The following FAF1 variants were observed in gnomAD, a reference collection of about 807,000 sequenced individuals.
The protein encoded by FAF1 is FAS-associated factor 1.
A neutral mutation model predicts 92.5 loss-of-function variants in FAF1; 25 were observed. That is an observed-to-expected ratio of 0.27 (90% CI 0.20 to 0.38). The LOEUF (loss-of-function observed/expected upper bound fraction) is 0.38. Ranked by LOEUF, FAF1 falls within the 10% of genes least tolerant of loss-of-function variation. The pLI, the probability that FAF1 is intolerant of heterozygous loss-of-function variation, is 1.00. For missense variants in FAF1, 636 were observed against 793.3 expected, an observed-to-expected ratio of 0.80 and a Z score of 2.38; for synonymous variants, 234 against 273.2, an observed-to-expected ratio of 0.86 and a Z score of 1.42.
chr1:50,786,063 T>C (rs1661351850), intron 4 of FAF1, among the ~76,000 whole-genome samples: 1 of 151,996 alleles, frequency 6.6e-6, no homozygotes, highest in African/African-American at 2.4e-5. Flanking sequence ...AGCCCAGAGT[T>C]TGAGGCTACA....
intron 15 of FAF1, among the ~76,000 whole-genome samples, chr1:50,519,042 G>A (rs1359838614): frequency 6.6e-6 from 1 of 151,974 alleles, no homozygotes; most frequent in East Asian, 1.9e-4. Flanking sequence ...TATTAAAATA[G>A]TTTTCACGGC....
In FAF1 at chr1:50,712,402, T is replaced by C. The variant is rs574270092; in HGVS notation, c.552-6511A>G. 1.5e-4 allele frequency among the ~76,000 whole-genome samples: 23 copies of C among 152,286 alleles called. No individual in the cohort carries two copies. The South Asian group carries it at 4.6e-3, about 30-fold the overall frequency. Reference sequence around the variant, plus strand: ...TGGGCTTGGTAGCTCACACCTGTAATCCTAACACTTTGGGAGGCAGAGGTG... The same window carrying C: ...TGGGCTTGGTAGCTCACACCTGTAACCCTAACACTTTGGGAGGCAGAGGTG... On this transcript the variant is annotated intron_variant, in intron 6 of 18. Coordinates refer to ENST00000396153, the MANE Select transcript of FAF1 (RefSeq NM_007051.3).
intron 1 of FAF1, among the ~76,000 whole-genome samples, chr1:50,898,827 C>T (rs539059814): frequency 1.3e-5 from 2 of 152,172 alleles, no homozygotes; most frequent in South Asian, 4.1e-4. Context: ...TTGATGCTTT[C>T]TAGTTTTCTT....
Position 50,959,836 on chromosome 1 carries a change from C to G in FAF1, c.-25G>C, listed in dbSNP as rs112664585. 1 of 1,537,546 alleles carries G rather than the reference C, an allele frequency of 6.5e-7. No individual in the cohort carries two copies. Among genetic ancestry groups the G allele is most frequent in the East Asian group, 2.6e-5 (1 of 38,094 alleles). ...TGGCGGCCGCCGAGTTCCGCGGCTC[C>G]GGGAGCGAAGCGCGCACCTGGGAGG... On this transcript the variant is annotated 5_prime_UTR_variant, in exon 1 of 19. Coordinates refer to ENST00000396153, the MANE Select transcript of FAF1 (RefSeq NM_007051.3).
chr1:50,472,774 T>C (rs1488688763), intron 18 of FAF1, among the ~76,000 whole-genome samples: 1 of 152,154 alleles, frequency 6.6e-6, no homozygotes, highest in Non-Finnish European at 1.5e-5. Flanking sequence ...TTTTTAACAG[T>C]CTTTAGTTTG....
chr1:50,666,963 C>G (rs1027425166), intron 7 of FAF1, among the ~76,000 whole-genome samples: 1 of 152,186 alleles, frequency 6.6e-6, no homozygotes, highest in Non-Finnish European at 1.5e-5. Context: ...AGCAAATGAG[C>G]CTTTCCACAG....
At chr1:50,570,086 G>A (rs1650361322) in intron 12 of FAF1, among the ~76,000 whole-genome samples, 1 of 152,132 alleles carries the variant, frequency 6.6e-6, no homozygotes, top group Non-Finnish European at 1.5e-5. Flanking sequence ...TTATATCGCA[G>A]TTGTGAGAGG....
intron 8 of FAF1, among the ~76,000 whole-genome samples, chr1:50,645,442 T>C (rs1260452259): frequency 1.3e-5 from 2 of 152,264 alleles, no homozygotes; most frequent in Admixed American, 6.5e-5. Flanking sequence ...AGACAGTAGA[T>C]ATTTCAGGTT....
chr1:50,674,860 C>CTATTTTATTTTATTTTATTT lies in FAF1; in HGVS notation c.658-19352_658-19333dup, dbSNP rs60719405. Among the ~76,000 whole-genome samples the CTATTTTATTTTATTTTATTT allele has an allele frequency of 2.4e-3, 340 of 143,788 alleles. 1 individual carries two copies. Among genetic ancestry groups the CTATTTTATTTTATTTTATTT allele is most frequent in the African/African-American group, 8.0e-3 (312 of 38,940 alleles). The allele number at this position is 143,788 out of a possible 152,430, so 94.3% of individuals were successfully genotyped here. A position where few individuals can be genotyped will look rare whatever the true frequency, so the allele number is the denominator to read the frequency against. On this transcript the variant is annotated intron_variant, in intron 7 of 18. Transcript: ENST00000396153. ...AATGCTAAACCCCTGTCACCTTGTA[C>CTATTTTATTTTATTTTATTT]TATTTTATTTTATTTTATTTTATTT...
At chr1:50,571,180 G>C (rs1650421012) in intron 12 of FAF1, among the ~76,000 whole-genome samples, 1 of 152,126 alleles carries the variant, frequency 6.6e-6, no homozygotes, top group African/African-American at 2.4e-5. Flanking sequence ...ATAATATTGG[G>C]GCATTAAAAA....
intron 3 of FAF1, among the ~76,000 whole-genome samples, chr1:50,790,944 T>C (rs1310494621): frequency 1.3e-5 from 2 of 152,196 alleles, no homozygotes; most frequent in African/African-American, 4.8e-5. Context: ...GGACCAACTA[T>C]TGTTCCATAA....
rs149036913 is a variant in FAF1 at position 50,584,557 on chromosome 1, A to G, written c.967+128T>C. On this transcript the variant is annotated intron_variant, in intron 10 of 18. Transcript: ENST00000396153. ...GCTCTGGTTCTAATGAAGAATGCCT[A>G]CTCTCTATTATCTTATCTCCTCAAA... is the stretch of plus-strand genomic sequence containing the variant. 52 of 813,620 alleles carry G rather than the reference A, an allele frequency of 6.4e-5. No homozygotes were observed. In the Admixed American group the frequency reaches 1.1e-3, roughly 18 times the overall value. 50.4% of individuals were successfully genotyped at this position (813,620 alleles called of 1,614,324 possible).
intron 1 of FAF1, among the ~76,000 whole-genome samples, chr1:50,943,334 C>A (rs1023831861): frequency 6.6e-6 from 1 of 152,154 alleles, no homozygotes; most frequent in African/African-American, 2.4e-5. Flanking sequence ...ATAATGAAAT[C>A]CCATAAGCCA....
chr1:50,673,413 G>A (rs1333765375), intron 7 of FAF1, among the ~76,000 whole-genome samples: 3 of 152,146 alleles, frequency 2.0e-5, no homozygotes, highest in Non-Finnish European at 2.9e-5. Context: ...TTGTGCAGCA[G>A]GCAAAAAATA....
chr1:50,955,072 T>C (rs948833468), intron 1 of FAF1, among the ~76,000 whole-genome samples: 11 of 152,346 alleles, frequency 7.2e-5, no homozygotes, highest in African/African-American at 2.4e-4. Context: ...TTGAAATTAT[T>C]TGATAGCAAT....
intron 17 of FAF1, among the ~76,000 whole-genome samples, chr1:50,485,667 CAAAAAAA>C (rs999538430): frequency 5.1e-4 from 7 of 13,720 alleles, no homozygotes; most frequent in East Asian, 6.0e-3. Flanking sequence ...GAGACTGTCT[CAAAAAAA>C]AAAAAAAAAA....
At chr1:50,803,044 AC>A (rs1662059037) in intron 2 of FAF1, among the ~76,000 whole-genome samples, 1 of 152,216 alleles carries the variant, frequency 6.6e-6, no homozygotes, top group African/African-American at 2.4e-5. Context: ...GACAATAGAT[AC>A]CACAGAACCC....
At chr1:50,480,213 T>G (rs1302629843) in intron 17 of FAF1, among the ~76,000 whole-genome samples, 1 of 152,188 alleles carries the variant, frequency 6.6e-6, no homozygotes, top group Non-Finnish European at 1.5e-5. Context: ...ATGGGGCTAT[T>G]TTTTGAAGTG....
intron 2 of FAF1, among the ~76,000 whole-genome samples, chr1:50,825,011 A>G (rs1389478564): frequency 6.6e-6 from 1 of 152,140 alleles, no homozygotes; most frequent in Non-Finnish European, 1.5e-5. Context: ...ACAGTTAGAC[A>G]GAAGCAGTAA....
Sources: allele counts gnomAD v4.1 joint callset (sites outside exome capture counted in the v4.1 genomes callset), GRCh38; gene constraint gnomAD v4.1.1; transcripts MANE v1.5; gene names NCBI Gene and HGNC (gene_info 2026-07-23, HGNC 2026-07-21).